Variants in ACSM5 observed in about 807,000 individuals in gnomAD.
ACSM5 encodes the protein acyl-coenzyme A synthetase ACSM5, mitochondrial.
In ACSM5, 56 loss-of-function variants were observed where a neutral mutation model predicts 71.6. The ratio of observed to expected loss-of-function variants is 0.78; its 90% confidence interval spans 0.63 to 0.98. The LOEUF (loss-of-function observed/expected upper bound fraction) is 0.98, where lower values mean the gene tolerates loss of function less well. Among genes scored for constraint, ACSM5 ranks in the 50% least tolerant of loss-of-function variants. ACSM5 has a pLI of 0.00. For synonymous variants in ACSM5, 285 were observed against 281.5 expected (o/e 1.01, Z -0.12); for missense variants, 723 against 726.0 (o/e 1.00, Z 0.05).
intron 10 of ACSM5, among the ~76,000 whole-genome samples, chr16:20,435,497 C>T (rs973794344): frequency 1.3e-5 from 2 of 152,016 alleles, no homozygotes; most frequent in African/African-American, 2.4e-5. Flanking sequence ...ATATAATTTA[C>T]CTACAGTAAA....
intron 10 of ACSM5, among the ~76,000 whole-genome samples, chr16:20,436,349 C>A (rs1336719199): frequency 2.7e-5 from 4 of 148,846 alleles, no homozygotes; most frequent in Non-Finnish European, 1.5e-5. Context: ...CACAATCTTG[C>A]AATCTCATCC....
chr16:20,435,935 C>T (rs1377705968), intron 10 of ACSM5, among the ~76,000 whole-genome samples: 9 of 127,940 alleles, frequency 7.0e-5, no homozygotes, highest in East Asian at 6.6e-4. Flanking sequence ...TCTTTCTTTT[C>T]TTTCCTTCCT....
chr16:20,435,438 G>A (rs1967172409), intron 10 of ACSM5, among the ~76,000 whole-genome samples: 1 of 152,068 alleles, frequency 6.6e-6, no homozygotes, highest in South Asian at 2.1e-4. Context: ...GTATTTTTAG[G>A]GTAGCTTATA....
chr16:20,433,682 AT>A (rs11297709), intron 10 of ACSM5, among the ~76,000 whole-genome samples: 72,844 of 151,250 alleles, frequency 0.48, 19,447 homozygotes, highest in East Asian at 0.78. Flanking sequence ...ATTTAATACA[AT>A]TTTTTTTTGG....
intron 12 of ACSM5, 131 bp downstream of exon 12, chr16:20,437,498 C>G (rs148905700): frequency 1.4e-4 from 97 of 715,724 alleles, no homozygotes; most frequent in Non-Finnish European, 2.1e-4. Context: ...ATGCCACCAT[C>G]AGACACACGT....
In ACSM5 at chr16:20,440,964, A is replaced by G. The variant is rs1442872904; in HGVS notation, c.*537A>G. 2 of 152,374 alleles carry G rather than the reference A, an allele frequency of 1.3e-5. No homozygotes were observed. Among genetic ancestry groups the G allele is most frequent in the East Asian group, 1.9e-4 (1 of 5,184 alleles). The allele number at this position is 152,374 out of a possible 1,614,324, so 9.4% of individuals were successfully genotyped here. On this transcript the variant is annotated 3_prime_UTR_variant, in exon 14 of 14. Coordinates refer to ENST00000331849, the MANE Select transcript of ACSM5 (RefSeq NM_017888.3). Reference sequence around the variant, plus strand: ...ATCACACAGCATTAAAACTAAAAAAAAAAAAGAAAAAATTAACAATTAACA... The same window carrying G: ...ATCACACAGCATTAAAACTAAAAAAGAAAAAGAAAAAATTAACAATTAACA...
intron 10 of ACSM5, among the ~76,000 whole-genome samples, chr16:20,435,140 C>G (rs75777123): frequency 0.088 from 13,429 of 152,182 alleles, 721 homozygotes; most frequent in East Asian, 0.19. Flanking sequence ...TCAAGTGATT[C>G]TCCTGCCTCA....
chr16:20,421,243 A>T lies in ACSM5; in HGVS notation c.624-15A>T, dbSNP rs553007546. 40 of 1,553,618 alleles carry T rather than the reference A, an allele frequency of 2.6e-5. No homozygotes were observed. The highest frequency in any genetic ancestry group is 1.7e-4 in the Middle Eastern group (1 of 5,820). On this transcript the variant is annotated splice_polypyrimidine_tract_variant and intron_variant, in intron 4 of 13. Transcript: ENST00000331849. ...TTACCGTGGTAGTGCCACCTAGTGT[A>T]TTTACGTTTTACAGGGAGGCTTCTA... is the stretch of plus-strand genomic sequence containing the variant.
Position 20,437,264 on chromosome 16 carries a change from C to T in ACSM5, c.1437-4C>T. The stretch of plus-strand genomic sequence containing the variant: ...ACTTGGAAGAGTTTGTTTTTCCCTT[C>T]CAGCTACCGGATCGGGCCTGTTGAA... On this transcript the variant is annotated splice_region_variant and splice_polypyrimidine_tract_variant and intron_variant, in intron 11 of 13. Coordinates refer to ENST00000331849, the MANE Select transcript of ACSM5 (RefSeq NM_017888.3). 6.2e-7 allele frequency: 1 copy of T among 1,614,054 alleles called. No individual in the cohort carries two copies. Among genetic ancestry groups the T allele is most frequent in the East Asian group, 2.2e-5 (1 of 44,892 alleles).
chr16:20,436,959 G>C, intron 10 of ACSM5, 93 bp from the exon 11 acceptor site: 2 of 1,406,310 alleles, frequency 1.4e-6, no homozygotes, highest in African/African-American at 1.4e-5. Flanking sequence ...TCTGTTGAGT[G>C]GTCTCCAGCT....
rs1171577756 is a variant in ACSM5 at position 20,437,102 on chromosome 16, A to T, written c.1359A>T (p.Thr453=). ...CAGAACAAGGGGACTTTTACATCAC[A>T]GGGGACCGAGCTCGCATGGACAAGG... ...AASEQGDFYI[T]GDRARMDKDG... is the part of the protein sequence containing the mutation. The change falls in exon 11 of 14, where the codon ACA becomes ACT. Residue 453 remains threonine (T), a synonymous_variant. Transcript: ENST00000331849. The T allele has an allele frequency of 1.2e-6, 2 of 1,614,048 alleles. No homozygotes were observed. Among genetic ancestry groups the T allele is most frequent in the Non-Finnish European group, 1.7e-6 (2 of 1,180,026 alleles).
At chr16:20,412,368 A>G (rs1422438198) in intron 2 of ACSM5, among the ~76,000 whole-genome samples, 3 of 152,116 alleles carry the variant, frequency 2.0e-5, no homozygotes, top group Non-Finnish European at 4.4e-5. Context: ...ATAAAATAAA[A>G]TACAACAAAA....
intron 12 of ACSM5, among the ~76,000 whole-genome samples, chr16:20,438,901 G>A (rs71384453): frequency 0.072 from 10,665 of 147,616 alleles, 665 homozygotes; most frequent in East Asian, 0.19. Flanking sequence ...CTTGCAGTGA[G>A]CCGAGATCAC....
chr16:20,416,270 G>C (rs1333742456), intron 2 of ACSM5, among the ~76,000 whole-genome samples: 1 of 146,152 alleles, frequency 6.8e-6, no homozygotes, highest in African/African-American at 2.5e-5. Flanking sequence ...GACCCACAGG[G>C]ACCAAAACAG....
intron 2 of ACSM5, among the ~76,000 whole-genome samples, chr16:20,412,590 A>G (rs1401458949): frequency 1.3e-5 from 2 of 152,206 alleles, no homozygotes; most frequent in African/African-American, 2.4e-5. Context: ...TTTCATTTAT[A>G]AGAGGAAGAC....
At chr16:20,410,176 C>T (rs1265597059) in intron 1 of ACSM5, among the ~76,000 whole-genome samples, 6 of 152,140 alleles carry the variant, frequency 3.9e-5, no homozygotes, top group Admixed American at 2.6e-4. Flanking sequence ...CTTCAATAGA[C>T]TGAAGCTGTT....
Position 20,431,092 on chromosome 16 carries a change from T to G in ACSM5, c.1206+19T>G. Reference sequence around the variant, plus strand: ...TGTGCAGGTAGCAGCCTCCCCCAACTTCTGGCAAGGCCTGGCATGGAGAGG... The same window carrying G: ...TGTGCAGGTAGCAGCCTCCCCCAACGTCTGGCAAGGCCTGGCATGGAGAGG... On this transcript the variant is annotated intron_variant, in intron 9 of 13. Transcript: ENST00000331849. 1.9e-6 allele frequency: 3 copies of G among 1,610,480 alleles called. No individual in the cohort carries two copies. The highest frequency in any genetic ancestry group is 2.2e-5 in the South Asian group (2 of 90,368).
chr16:20,425,266 G>C (rs1966956339), intron 6 of ACSM5, among the ~76,000 whole-genome samples: 1 of 151,378 alleles, frequency 6.6e-6, no homozygotes, highest in Non-Finnish European at 1.5e-5. Context: ...TATGTGCCTG[G>C]CTTATTTCAC....
intron 10 of ACSM5, among the ~76,000 whole-genome samples, chr16:20,436,348 G>A (rs1967200335): frequency 7.1e-6 from 1 of 140,022 alleles, no homozygotes; most frequent in South Asian, 2.4e-4. Context: ...GCACAATCTT[G>A]CAATCTCATC....
Sources: allele counts gnomAD v4.1 joint callset (sites outside exome capture counted in the v4.1 genomes callset), GRCh38; gene constraint gnomAD v4.1.1; transcripts MANE v1.5; gene names NCBI Gene and HGNC (gene_info 2026-07-23, HGNC 2026-07-21).